GRM5: variants seen among roughly 807,000 people sequenced by gnomAD.
GRM5 encodes the protein metabotropic glutamate receptor 5.
A neutral mutation model predicts 83.1 loss-of-function variants in GRM5; 19 were observed. That is an observed-to-expected ratio of 0.23 (90% CI 0.16 to 0.34). The LOEUF (loss-of-function observed/expected upper bound fraction) is 0.34. GRM5 is among the 10% of genes least tolerant of loss of function. The pLI, the probability that GRM5 is intolerant of heterozygous loss-of-function variation, is 1.00. For missense variants in GRM5, 1,160 were observed against 1,588.3 expected (o/e 0.73, Z 4.58); for synonymous variants, 675 against 633.6 (o/e 1.07, Z -0.98).
At chr11:88,536,334 A>T (rs1591330929) in intron 8 of GRM5, among the ~76,000 whole-genome samples, 1 of 152,054 alleles carries the variant, frequency 6.6e-6, no homozygotes, top group African/African-American at 2.4e-5. Context: ...CTTATTAGTC[A>T]GTGACAGATC....
chr11:88,605,885 G>C (rs1407216889), intron 4 of GRM5, among the ~76,000 whole-genome samples: 1 of 152,122 alleles, frequency 6.6e-6, no homozygotes, highest in Non-Finnish European at 1.5e-5. Flanking sequence ...ACATCATGCT[G>C]AACAAGAAAG....
chr11:88,860,698 G>C (rs1411762160), intron 2 of GRM5, among the ~76,000 whole-genome samples: 1 of 152,160 alleles, frequency 6.6e-6, no homozygotes, highest in African/African-American at 2.4e-5. Flanking sequence ...GATTCCCTTT[G>C]GAAGGACTTG....
intron 1 of GRM5, among the ~76,000 whole-genome samples, 182 bp downstream of exon 1, chr11:89,065,594 C>A: frequency 6.6e-6 from 1 of 152,140 alleles, no homozygotes; most frequent in East Asian, 1.9e-4. Context: ...TGCAGGACCT[C>A]GTAGCGTTCC....
intron 9 of GRM5, among the ~76,000 whole-genome samples, chr11:88,511,209 C>T (rs1377790132): frequency 2.6e-5 from 4 of 152,176 alleles, no homozygotes; most frequent in African/African-American, 9.7e-5. Context: ...AGAAAGCCAT[C>T]CTTTTCTTCT....
intron 8 of GRM5, among the ~76,000 whole-genome samples, chr11:88,554,254 C>T (rs1942575185): frequency 6.6e-6 from 1 of 152,086 alleles, no homozygotes. Flanking sequence ...AGCAGAATAG[C>T]ACTTTCAAAT....
At chr11:88,770,467 A>G (rs1322869232) in intron 3 of GRM5, among the ~76,000 whole-genome samples, 1 of 152,136 alleles carries the variant, frequency 6.6e-6, no homozygotes, top group Non-Finnish European at 1.5e-5. Flanking sequence ...TCTTTGTACT[A>G]TATGCTCAAT....
chr11:88,745,538 A>G (rs1337876988), intron 3 of GRM5, among the ~76,000 whole-genome samples: 1 of 152,138 alleles, frequency 6.6e-6, no homozygotes, highest in Non-Finnish European at 1.5e-5. Flanking sequence ...TAACATTCTT[A>G]GGCTGAGCAG....
chr11:89,020,540 A>G (rs1339201336), intron 2 of GRM5, among the ~76,000 whole-genome samples: 1 of 152,184 alleles, frequency 6.6e-6, no homozygotes, highest in Non-Finnish European at 1.5e-5. Flanking sequence ...AGGAGTAAAA[A>G]CAAGCCAAAT....
intron 3 of GRM5, among the ~76,000 whole-genome samples, chr11:88,824,204 C>G (rs1943853683): frequency 6.6e-6 from 1 of 152,126 alleles, no homozygotes; most frequent in South Asian, 2.1e-4. Context: ...AATTAAATGT[C>G]AGTGTTCAAT....
intron 3 of GRM5, among the ~76,000 whole-genome samples, chr11:88,804,534 T>G (rs1313241878): frequency 6.6e-6 from 1 of 151,516 alleles, no homozygotes; most frequent in Non-Finnish European, 1.5e-5. Flanking sequence ...TGGGGACTGT[T>G]GTGGGGTGGC....
At chr11:88,871,465 A>C (rs1944766622) in intron 2 of GRM5, among the ~76,000 whole-genome samples, 1 of 151,592 alleles carries the variant, frequency 6.6e-6, no homozygotes, top group Non-Finnish European at 1.5e-5. Flanking sequence ...AATGCAAATA[A>C]AGATAACTAG....
chr11:88,679,362 T>C (rs994058724), intron 3 of GRM5, among the ~76,000 whole-genome samples: 3 of 152,130 alleles, frequency 2.0e-5, no homozygotes, highest in Non-Finnish European at 2.9e-5. Flanking sequence ...GGGAACAAGA[T>C]TATGAGATTT....
At chr11:88,685,840 A>T (rs955010297) in intron 3 of GRM5, among the ~76,000 whole-genome samples, 1 of 152,280 alleles carries the variant, frequency 6.6e-6, no homozygotes, top group Non-Finnish European at 1.5e-5. Flanking sequence ...CTCTGTTTAG[A>T]TTTCAGAAGA....
chr11:88,997,927 TAGGG>T, intron 2 of GRM5, among the ~76,000 whole-genome samples: 1 of 152,048 alleles, frequency 6.6e-6, no homozygotes, highest in Non-Finnish European at 1.5e-5. Flanking sequence ...AAGAGAAGAG[TAGGG>T]AGTACTTCTC....
intron 1 of GRM5, among the ~76,000 whole-genome samples, chr11:89,064,916 G>GACACACACACACAC (rs1555071827): frequency 7.0e-5 from 3 of 42,730 alleles, no homozygotes; most frequent in South Asian, 1.8e-3. Flanking sequence ...GTGTGTGTGT[G>GACACACACACACAC]AGAGAGAGAG....
At chr11:88,792,725 A>G (rs1943199489) in intron 3 of GRM5, among the ~76,000 whole-genome samples, 1 of 152,132 alleles carries the variant, frequency 6.6e-6, no homozygotes, top group African/African-American at 2.4e-5. Context: ...TATGAAAACT[A>G]TAAGACATGG....
chr11:88,875,241 C>T (rs11493150), intron 2 of GRM5, among the ~76,000 whole-genome samples: 2,755 of 152,080 alleles, frequency 0.018, 45 homozygotes, highest in East Asian at 0.068. Context: ...ATTCTCATTT[C>T]ATCAAGGCTC....
intron 2 of GRM5, among the ~76,000 whole-genome samples, chr11:88,990,261 G>T (rs1939917496): frequency 6.6e-6 from 1 of 152,106 alleles, no homozygotes; most frequent in African/African-American, 2.4e-5. Context: ...CGAAAATCTA[G>T]AAGAAATGGA....
At chr11:88,755,327 G>A (rs1365851435) in intron 3 of GRM5, among the ~76,000 whole-genome samples, 7 of 151,972 alleles carry the variant, frequency 4.6e-5, no homozygotes, top group Admixed American at 3.3e-4. Flanking sequence ...AAAGTAGAAC[G>A]ACTTGGTCAA....
Sources: allele counts gnomAD v4.1 joint callset (sites outside exome capture counted in the v4.1 genomes callset), GRCh38; gene constraint gnomAD v4.1.1; transcripts MANE v1.5; gene names NCBI Gene and HGNC (gene_info 2026-07-23, HGNC 2026-07-21).